Variants in NAALADL2 observed in about 807,000 individuals in gnomAD.
NAALADL2 encodes the protein N-acetylated alpha-linked acidic dipeptidase like 2.
In NAALADL2, 76 loss-of-function variants were observed where a neutral mutation model predicts 87.2. That is an observed-to-expected ratio of 0.87 (90% CI 0.72 to 1.05). The LOEUF is 1.05. NAALADL2 is among the 50% of genes least tolerant of loss of function. The pLI is 0.00. For synonymous variants in NAALADL2, 354 were observed against 331.0 expected (o/e 1.07, Z -0.75); for missense variants, 1,089 against 945.8 (o/e 1.15, Z -1.99).
At chr3:175,150,046 TAGAA>T in intron 2 of NAALADL2, among the ~76,000 whole-genome samples, 1 of 152,304 alleles carries the variant, frequency 6.6e-6, no homozygotes, top group East Asian at 1.9e-4. Flanking sequence ...CCTCAGGTAT[TAGAA>T]AGAGGCAATC....
chr3:175,474,380 A>G (rs1444562752), intron 9 of NAALADL2, among the ~76,000 whole-genome samples: 1 of 152,220 alleles, frequency 6.6e-6, no homozygotes, highest in East Asian at 1.9e-4. Flanking sequence ...TTGATATGAA[A>G]CAAAACTATA....
intron 1 of NAALADL2, among the ~76,000 whole-genome samples, chr3:175,015,018 A>G (rs893682132): frequency 1.3e-5 from 2 of 152,100 alleles, no homozygotes; most frequent in African/African-American, 4.8e-5. Flanking sequence ...AGATTTTCTC[A>G]ATAGAAAGCA....
chr3:174,466,291 T>A (rs1298679683), intron 1 of NAALADL2, among the ~76,000 whole-genome samples: 1 of 151,108 alleles, frequency 6.6e-6, no homozygotes, highest in Non-Finnish European at 1.5e-5. Context: ...TTTTTTTTTT[T>A]GCTCATCAGC....
rs374881068 is a variant in NAALADL2 at position 175,403,545 on chromosome 3, G to A, written c.1091-43684G>A. On this transcript the variant is annotated intron_variant, in intron 5 of 13. Coordinates refer to ENST00000454872, the MANE Select transcript of NAALADL2 (RefSeq NM_207015.3). ...ATCGTATATTTTTTTTCTGTTTTCC[G>A]CCCACTTTATTTTACTAGTCAATAG... Among the ~76,000 whole-genome samples, 31 of 151,908 alleles carry A rather than the reference G, an allele frequency of 2.0e-4. No individual in the cohort carries two copies. The South Asian group carries it at 2.3e-3, about 11-fold the overall frequency.
intron 11 of NAALADL2, chr3:175,718,496 G>A: frequency 6.3e-7 from 1 of 1,588,208 alleles, no homozygotes; most frequent in South Asian, 1.1e-5. Flanking sequence ...TTCATAAATT[G>A]TTCTTGGAGG....
intron 1 of NAALADL2, among the ~76,000 whole-genome samples, chr3:174,517,533 A>T (rs1023777762): frequency 1.3e-5 from 2 of 152,064 alleles, no homozygotes; most frequent in Admixed American, 6.6e-5. Flanking sequence ...ATTTTATCTG[A>T]AGAAAATCTA....
At chr3:174,967,433 C>T (rs558829694) in intron 1 of NAALADL2, among the ~76,000 whole-genome samples, 2 of 151,070 alleles carry the variant, frequency 1.3e-5, no homozygotes, top group Non-Finnish European at 3.0e-5. Context: ...TCTGTATGTA[C>T]TCTCATTTGC....
intron 1 of NAALADL2, among the ~76,000 whole-genome samples, chr3:174,967,153 T>TAATA (rs1223275487): frequency 2.0e-5 from 3 of 152,010 alleles, no homozygotes; most frequent in Non-Finnish European, 4.4e-5. Flanking sequence ...GAGTAGCAGG[T>TAATA]AATAGTGGTC....
At chr3:175,639,783 T>A (rs752950416) in intron 11 of NAALADL2, among the ~76,000 whole-genome samples, 13 of 152,140 alleles carry the variant, frequency 8.5e-5, no homozygotes, top group Non-Finnish European at 1.6e-4. Flanking sequence ...TTTCTACGGT[T>A]ACAGTGGGTA....
At chr3:174,723,870 A>C (rs964115843) in intron 2 of NAALADL2, among the ~76,000 whole-genome samples, 1 of 150,220 alleles carries the variant, frequency 6.7e-6, no homozygotes, top group Non-Finnish European at 1.5e-5. Context: ...TAGTTTTTAT[A>C]AGTTGATCTA....
rs1206255169 is a variant in NAALADL2 at position 174,966,203 on chromosome 3, T to C, written c.43+106753T>C. 5.3e-5 allele frequency among the ~76,000 whole-genome samples: 8 copies of C among 152,290 alleles called. No individual in the cohort carries two copies. The East Asian group carries it at 1.5e-3, about 29-fold the overall frequency. ...AAACACTTTTCTGCATAAATTAAGC[T>C]CTAGGTCAAAAACTTTGTTTCTCCT... On this transcript the variant is annotated intron_variant, in intron 1 of 13. Coordinates refer to ENST00000454872, the MANE Select transcript of NAALADL2 (RefSeq NM_207015.3).
chr3:175,085,082 G>A (rs184697344), intron 1 of NAALADL2, among the ~76,000 whole-genome samples: 19 of 152,248 alleles, frequency 1.2e-4, no homozygotes, highest in Admixed American at 1.2e-3. Context: ...GTTCTCCTGT[G>A]TATTTTATTT....
At chr3:174,477,467 G>A (rs537228486) in intron 1 of NAALADL2, among the ~76,000 whole-genome samples, 47 of 152,270 alleles carry the variant, frequency 3.1e-4, no homozygotes, top group African/African-American at 1.1e-3. Flanking sequence ...ACAGCCACTT[G>A]CTATAGGTGT....
In NAALADL2 at chr3:175,121,944, A is replaced by G. The variant is rs556361101; in HGVS notation, c.545+24653A>G. On this transcript the variant is annotated intron_variant, in intron 2 of 13. Coordinates refer to ENST00000454872, the MANE Select transcript of NAALADL2 (RefSeq NM_207015.3). ...TCATTCTTGTATCTGTGATCTCTGC[A>G]TTTCTTTTTCTTTCCCGTCCTGTCT... Among the ~76,000 whole-genome samples, 11 of 151,880 alleles carry G rather than the reference A, an allele frequency of 7.2e-5. No individual in the cohort carries two copies. In the South Asian group the frequency reaches 1.7e-3, roughly 23 times the overall value.
Position 174,592,585 on chromosome 3 carries a change from A to C in NAALADL2, c.-115+41948A>C, listed in dbSNP as rs140286990. On this transcript the variant is annotated intron_variant, in intron 2 of 3. Coordinates refer to the NAALADL2 transcript ENST00000434257. ...AGATGATCAATTAGATATTTAAAGT[A>C]AATACATTTACTTGATCCCATCTAG... Among the ~76,000 whole-genome samples, 970 of 152,284 alleles carry C rather than the reference A, an allele frequency of 6.4e-3. 9 individuals are homozygous for C. Among genetic ancestry groups the C allele is most frequent in the African/African-American group, 0.022 (908 of 41,566 alleles).
intron 11 of NAALADL2, among the ~76,000 whole-genome samples, chr3:175,635,935 C>T (rs749185311): frequency 1.3e-5 from 2 of 152,046 alleles, no homozygotes; most frequent in African/African-American, 4.8e-5. Flanking sequence ...TCCAGACAAT[C>T]CCTACTTAAA....
chr3:174,846,569 T>G (rs1481353447), intron 3 of NAALADL2, among the ~76,000 whole-genome samples: 1 of 152,186 alleles, frequency 6.6e-6, no homozygotes. Context: ...TCAATCCCAG[T>G]GCAAAGTTCT....
chr3:175,202,796 C>T (rs1740242562), intron 2 of NAALADL2, among the ~76,000 whole-genome samples: 1 of 151,980 alleles, frequency 6.6e-6, no homozygotes, highest in Non-Finnish European at 1.5e-5. Flanking sequence ...CTTGCTGTGG[C>T]TGCTCTGGGG....
intron 5 of NAALADL2, among the ~76,000 whole-genome samples, chr3:175,401,823 G>A (rs954133234): frequency 2.0e-5 from 3 of 152,020 alleles, no homozygotes; most frequent in African/African-American, 4.8e-5. Flanking sequence ...ATTTTACCTG[G>A]AGTGAAATAC....
Sources: gnomAD v4.1 joint callset for allele counts (sites outside exome capture counted in the v4.1 genomes callset) on GRCh38, gnomAD v4.1.1 for gene constraint, MANE v1.5 for transcripts, NCBI Gene and HGNC (gene_info 2026-07-23, HGNC 2026-07-21) for gene names.